HEATR1: variants seen among roughly 807,000 people sequenced by gnomAD.
HEATR1 encodes HEAT repeat containing 1, also known as HEAT repeat-containing protein 1.
Under a neutral mutation model 248.2 loss-of-function variants are expected in HEATR1, and 77 were observed. The ratio of observed to expected loss-of-function variants is 0.31; its 90% confidence interval spans 0.26 to 0.37. The LOEUF is 0.37. Ranked by LOEUF, HEATR1 falls within the 10% of genes least tolerant of loss-of-function variation. The pLI is 1.00. For missense variants in HEATR1, 2,420 were observed against 2,504.9 expected, an observed-to-expected ratio of 0.97 and a Z score of 0.72; for synonymous variants, 897 against 923.1, an observed-to-expected ratio of 0.97 and a Z score of 0.51.
Position 236,566,864 on chromosome 1 carries a change from C to T in HEATR1, c.4090G>A (p.Asp1364Asn). 6.2e-7 allele frequency: 1 copy of T among 1,613,024 alleles called. No individual in the cohort carries two copies. Among genetic ancestry groups the T allele is most frequent in the Non-Finnish European group, 8.5e-7 (1 of 1,179,098 alleles). Reference protein sequence around the residue: ...IPALIQSDSGDSIEVSRNVEE... With the variant: ...IPALIQSDSGNSIEVSRNVEE... ...ACGTTTCTTGAAACTTCTATAGAAT[C>T]TCCACTATCAGACTGCAAAACAGCA... The change falls in exon 30 of 45, where the codon GAT (aspartate) becomes AAT (asparagine). Residue 1364 changes from aspartate to asparagine, a missense_variant. Transcript: ENST00000366582.
chr1:236,603,849 A>C, intron 2 of HEATR1, 105 bp downstream of exon 2: 1 of 1,235,888 alleles, frequency 8.1e-7, no homozygotes, highest in Non-Finnish European at 1.1e-6. Context: ...GAAACTGCTA[A>C]GGAAGAGGAC....
chr1:236,559,687 T>G lies in HEATR1; in HGVS notation c.4770+27A>C, dbSNP rs1663071248. The G allele has an allele frequency of 3.2e-6, 5 of 1,569,930 alleles. No individual in the cohort carries two copies. The South Asian group carries it at 5.9e-5, about 18-fold the overall frequency. On this transcript the variant is annotated intron_variant, in intron 34 of 44. Transcript: ENST00000366582. ...AATTTAAAAAACAGCAACAAAACAG[T>G]AATTCCAGGGAGAAATGAACACCTA... is the stretch of plus-strand genomic sequence containing the variant.
At chr1:236,553,454 TG>T in intron 43 of HEATR1, 126 bp downstream of exon 43, 1 of 994,646 alleles carries the variant, frequency 1.0e-6, no homozygotes, top group Non-Finnish European at 1.5e-6. Flanking sequence ...CCTCTAGTAC[TG>T]GATGACAAAT....
At chr1:236,581,458 AT>A in intron 19 of HEATR1, 44 bp from the exon 20 acceptor site, 1 of 1,364,634 alleles carries the variant, frequency 7.3e-7, no homozygotes, top group South Asian at 1.5e-5. Context: ...TCTTACTCAA[AT>A]AAGCTGGTTC....
intron 20 of HEATR1, among the ~76,000 whole-genome samples, chr1:236,577,994 G>C (rs1411624435): frequency 6.6e-6 from 1 of 152,126 alleles, no homozygotes; most frequent in East Asian, 1.9e-4. Flanking sequence ...TCCCAGACTG[G>C]TGTGTTTTGA....
Position 236,595,825 on chromosome 1 carries a change from G to C in HEATR1, c.956+8C>G, listed in dbSNP as rs1481491921. On this transcript the variant is annotated splice_region_variant and intron_variant, in intron 7 of 44. Coordinates refer to ENST00000366582, the MANE Select transcript of HEATR1 (RefSeq NM_018072.6). ...ACTAGCACCATTTCTCAATTCAATT[G>C]TACATACTTTTTCCCAAGGCTCTCT... 1 of 1,607,122 alleles carries C rather than the reference G, an allele frequency of 6.2e-7. No homozygotes were observed. The highest frequency in any genetic ancestry group is 1.7e-5 in the Admixed American group (1 of 60,016).
At position 236,564,523 on chromosome 1, in the gene HEATR1, A is replaced by G. The variant is rs935286118; in HGVS notation, c.4574T>C (p.Leu1525Pro). The G allele has an allele frequency of 1.9e-6, 3 of 1,613,654 alleles. No homozygotes were observed. Among genetic ancestry groups the G allele is most frequent in the Non-Finnish European group, 2.5e-6 (3 of 1,179,976 alleles). Reference sequence around the variant, plus strand: ...CTTTTTCAGAAAATTATTGGAAGACAGGAGCTGAGACATGAAGGACACTGA... The same window carrying G: ...CTTTTTCAGAAAATTATTGGAAGACGGGAGCTGAGACATGAAGGACACTGA... ...FLSVSFMSQL[L>P]SSNNFLKKVV... The change falls in exon 32 of 45, where the codon CTG becomes CCG. Residue 1525 changes from leucine to proline, a missense_variant. Coordinates refer to ENST00000366582, the MANE Select transcript of HEATR1 (RefSeq NM_018072.6).
chr1:236,576,041 T>G lies in HEATR1; in HGVS notation c.3084+178A>C, dbSNP rs546055486. ...AAAAGAAACTCACCAGTACTTGTCT[T>G]TGTATCTTGTATCTGTTTTTCTCTA... On this transcript the variant is annotated intron_variant, in intron 22 of 44. Coordinates refer to ENST00000366582, the MANE Select transcript of HEATR1 (RefSeq NM_018072.6). Among the ~76,000 whole-genome samples, 4 of 152,252 alleles carry G rather than the reference T, an allele frequency of 2.6e-5. No homozygotes were observed. In the East Asian group the frequency reaches 7.7e-4, roughly 29 times the overall value.
rs143912188 is a variant in HEATR1 at position 236,597,946 on chromosome 1, T to C, written c.535A>G (p.Ile179Val). Reference protein sequence around the residue: ...SGVPLAKGTLITHCYKDLGFM... With the variant: ...SGVPLAKGTLVTHCYKDLGFM... ...CCAAGATCTTTGTAGCAGTGGGTAA[T>C]CAAAGTTCCTTTAGCTAACGGCACT... is the stretch of plus-strand genomic sequence containing the variant. Residue 179 changes from isoleucine (I) to valine (V), a missense_variant, in exon 5 of 45, where the codon ATT (isoleucine) becomes GTT (valine). Coordinates refer to ENST00000366582, the MANE Select transcript of HEATR1 (RefSeq NM_018072.6). 3.1e-6 allele frequency: 5 copies of C among 1,613,580 alleles called. No homozygotes were observed. Among genetic ancestry groups the C allele is most frequent in the Admixed American group, 1.7e-5 (1 of 59,946 alleles).
intron 35 of HEATR1, 29 bp from the exon 36 acceptor site, chr1:236,558,558 C>A: frequency 6.4e-7 from 1 of 1,572,832 alleles, no homozygotes; most frequent in South Asian, 1.2e-5. Flanking sequence ...ATCCCCAAAT[C>A]ATTAAAGCTG....
chr1:236,554,540 T>C, intron 42 of HEATR1, 58 bp downstream of exon 42: 1 of 1,546,620 alleles, frequency 6.5e-7, no homozygotes, highest in Non-Finnish European at 8.8e-7. Flanking sequence ...ATCTAAAACC[T>C]GCCAAGCTCG....
At chr1:236,593,361 C>T (rs896007057) in intron 9 of HEATR1, among the ~76,000 whole-genome samples, 3 of 152,076 alleles carry the variant, frequency 2.0e-5, no homozygotes, top group Non-Finnish European at 2.9e-5. Context: ...CATTACTACA[C>T]GTGTATACTC....
intron 16 of HEATR1, 70 bp downstream of exon 16, chr1:236,585,750 A>G: frequency 6.6e-7 from 1 of 1,513,154 alleles, no homozygotes; most frequent in Non-Finnish European, 8.9e-7. Flanking sequence ...AATCTAGTAA[A>G]GCAAAAGCTG....
In HEATR1 at chr1:236,553,634, A is replaced by G. The variant is rs149145208; in HGVS notation, c.6184T>C (p.Trp2062Arg). ...AGAATCTGGTAGTTCAGTGGTTTCC[A>G]AAGAGAGTCATCCGCCATGGCCACC... ...FSVAMADDSL[W>R]KPLNYQILLK... Residue 2062 changes from tryptophan (W) to arginine (R), a missense_variant, in exon 43 of 45, where the codon TGG (tryptophan) becomes CGG (arginine). Trp to Arg is a moderately radical substitution (Grantham distance 101). Coordinates refer to ENST00000366582, the MANE Select transcript of HEATR1 (RefSeq NM_018072.6). 5.6e-4 allele frequency: 906 copies of G among 1,614,000 alleles called. No homozygotes were observed. Among genetic ancestry groups the G allele is most frequent in the Non-Finnish European group, 7.5e-4 (886 of 1,180,006 alleles).
intron 3 of HEATR1, among the ~76,000 whole-genome samples, chr1:236,601,903 G>A (rs536695192): frequency 7.2e-4 from 110 of 151,728 alleles, no homozygotes; most frequent in African/African-American, 2.5e-3. Flanking sequence ...AGGCTAAGAC[G>A]AGTGGATCAC....
In HEATR1 at chr1:236,580,519, C is replaced by T. The variant is rs1487838004; in HGVS notation, c.2755+703G>A. 1.4e-4 allele frequency among the ~76,000 whole-genome samples: 18 copies of T among 132,120 alleles called. 1 individual carries two copies. Among genetic ancestry groups the T allele is most frequent in the Non-Finnish European group, 1.9e-4 (12 of 63,262 alleles). The allele number at this position is 132,120 out of a possible 152,430, so 86.7% of individuals were successfully genotyped here. ...CAGAAATATGTATAGATGTACAGCC[C>T]TTTTTTTTTTTTTTTGAGACAGGGT... is the stretch of plus-strand genomic sequence containing the variant. On this transcript the variant is annotated intron_variant, in intron 20 of 44. Transcript: ENST00000366582.
chr1:236,566,498 C>T, intron 30 of HEATR1, 148 bp downstream of exon 30: 1 of 657,750 alleles, frequency 1.5e-6, no homozygotes, highest in South Asian at 2.0e-5. Flanking sequence ...TTTTAAAATG[C>T]CAAAAACCTT....
intron 20 of HEATR1, among the ~76,000 whole-genome samples, chr1:236,580,563 T>C (rs1318817422): frequency 7.1e-6 from 1 of 141,328 alleles, no homozygotes; most frequent in East Asian, 2.1e-4. Flanking sequence ...GTTGCCCAGT[T>C]TGGAGTGCAG....
At chr1:236,556,775 G>A (rs763789554) in intron 37 of HEATR1, among the ~76,000 whole-genome samples, 3 of 152,120 alleles carry the variant, frequency 2.0e-5, no homozygotes, top group Non-Finnish European at 2.9e-5. Context: ...GGCCCCTAGC[G>A]TGTTGACAGG....
Sources: gnomAD v4.1 joint callset for allele counts (sites outside exome capture counted in the v4.1 genomes callset) on GRCh38, gnomAD v4.1.1 for gene constraint, MANE v1.5 for transcripts, NCBI Gene and HGNC (gene_info 2026-07-23, HGNC 2026-07-21) for gene names.